Variants in ATP2C2 observed in about 807,000 individuals in gnomAD.
ATP2C2 encodes the protein calcium-transporting ATPase type 2C member 2.
Under a neutral mutation model 110.8 loss-of-function variants are expected in ATP2C2, and 171 were observed. That is an observed-to-expected ratio of 1.54 (90% CI 1.36 to 1.75). The LOEUF (loss-of-function observed/expected upper bound fraction) is 1.75, where lower values mean the gene tolerates loss of function less well. ATP2C2 is among the 40% of genes most tolerant of loss of function. The pLI is 0.00. For synonymous variants in ATP2C2, 804 were observed against 508.4 expected (o/e 1.58, Z -7.82); for missense variants, 1,963 against 1,235.0 (o/e 1.59, Z -8.84).
intron 6 of ATP2C2, 152 bp downstream of exon 6, chr16:84,410,917 C>A: frequency 1.4e-6 from 1 of 726,502 alleles, no homozygotes; most frequent in South Asian, 1.7e-5. Flanking sequence ...TCTCCGCCTG[C>A]CAATAGGTCG....
rs1905641907 is a variant in ATP2C2, at chr16:84,405,113, G to T, written c.211-15G>T. On this transcript the variant is annotated splice_polypyrimidine_tract_variant and intron_variant, in intron 2 of 26. Transcript: ENST00000262429. ...TGCGCCCATGAGTGAGCTTGTGCCT[G>T]ACCTCTCCTTCCAGGTGGACTTACA... The T allele has an allele frequency of 6.2e-7, 1 of 1,610,210 alleles. No homozygotes were observed.
In ATP2C2 at chr16:84,463,863, T is replaced by C; in HGVS notation, c.*131T>C. ...CCATCACCGGATCAGTTTTTCCTCT[T>C]AGGAAAGCTGCAGGAACCTCGTGGG... On this transcript the variant is annotated 3_prime_UTR_variant, in exon 27 of 27. Coordinates refer to ENST00000262429, the MANE Select transcript of ATP2C2 (RefSeq NM_014861.4). 1.2e-6 allele frequency: 1 copy of C among 832,774 alleles called. No homozygotes were observed. Among genetic ancestry groups the C allele is most frequent in the Admixed American group, 2.2e-5 (1 of 44,522 alleles). 51.6% of individuals were successfully genotyped at this position (832,774 alleles called of 1,614,324 possible).
rs200348030 is a variant in ATP2C2, at chr16:84,422,408, G to T, written c.643G>T (p.Asp215Tyr). ...CTCCTAGGTCACGGACCTCTTGGTG[G>T]ATGAATCCAGTTTCACCGGGGAAGC... ...RLTEVTDLLV[D>Y]ESSFTGEAEP... Residue 215 changes from aspartate to tyrosine, a missense_variant, in exon 8 of 27, where the codon GAT becomes TAT. Coordinates refer to ENST00000262429, the MANE Select transcript of ATP2C2 (RefSeq NM_014861.4). The T allele has an allele frequency of 2.3e-4, 376 of 1,614,080 alleles. 3 individuals are homozygous for T. The Middle Eastern group carries it at 7.1e-3, about 30-fold the overall frequency.
intron 1 of ATP2C2, among the ~76,000 whole-genome samples, chr16:84,395,620 C>G (rs1435920470): frequency 1.3e-5 from 2 of 151,486 alleles, no homozygotes; most frequent in Admixed American, 6.6e-5. Context: ...GCAATTCTCC[C>G]TGACTCAGCC....
chr16:84,463,343 G>GCC (rs990083688), intron 26 of ATP2C2, among the ~76,000 whole-genome samples: 1 of 152,138 alleles, frequency 6.6e-6, no homozygotes, highest in African/African-American at 2.4e-5. Context: ...TCCCCTTCCA[G>GCC]CCCGAGTCCA....
At chr16:84,410,624 C>T in intron 5 of ATP2C2, 21 bp downstream of exon 5, 1 of 1,614,030 alleles carries the variant, frequency 6.2e-7, no homozygotes, top group Non-Finnish European at 8.5e-7. Flanking sequence ...CCTGAGGTCC[C>T]AGTCAGGGTA....
intron 11 of ATP2C2, 109 bp from the exon 12 acceptor site, chr16:84,439,057 T>G (rs1231910039): frequency 6.7e-7 from 1 of 1,491,404 alleles, no homozygotes; most frequent in Non-Finnish European, 9.1e-7. Context: ...ACCAGGACAC[T>G]GGGGACACCT....
At chr16:84,461,896 C>T (rs967845922) in intron 25 of ATP2C2, 84 bp downstream of exon 25, 68 of 1,605,952 alleles carry the variant, frequency 4.2e-5, no homozygotes, top group Admixed American at 1.0e-4. Context: ...CAGCATTGAG[C>T]GGCTCTGGCT....
chr16:84,422,190 T>C (rs766707739), intron 7 of ATP2C2, among the ~76,000 whole-genome samples, 200 bp from the exon 8 acceptor site: 1 of 152,182 alleles, frequency 6.6e-6, no homozygotes, highest in Non-Finnish European at 1.5e-5. Context: ...TATGAGACTT[T>C]TATGTTTTTA....
intron 1 of ATP2C2, among the ~76,000 whole-genome samples, chr16:84,373,002 C>G (rs915422510): frequency 6.6e-6 from 1 of 151,576 alleles, no homozygotes; most frequent in East Asian, 2.0e-4. Flanking sequence ...CACCTGTAAT[C>G]CCAGCTACTG....
chr16:84,450,699 C>G (rs744242), intron 17 of ATP2C2, among the ~76,000 whole-genome samples: 1 of 151,862 alleles, frequency 6.6e-6, no homozygotes, highest in African/African-American at 2.4e-5. Flanking sequence ...CTTACACCAC[C>G]CCCTCTCAGA....
chr16:84,436,967 G>C (rs915121048), intron 11 of ATP2C2, among the ~76,000 whole-genome samples: 5 of 152,044 alleles, frequency 3.3e-5, no homozygotes, highest in Non-Finnish European at 7.4e-5. Context: ...TCTCCATGTT[G>C]GCCAGGCTGG....
rs971784007 is a variant in ATP2C2, at chr16:84,453,307, G to A, written c.1930-14G>A. 8 of 1,614,008 alleles carry A rather than the reference G, an allele frequency of 5.0e-6. No individual in the cohort carries two copies. The East Asian group carries it at 8.9e-5, about 18-fold the overall frequency. On this transcript the variant is annotated splice_polypyrimidine_tract_variant and intron_variant, in intron 19 of 26. Transcript: ENST00000262429. Reference sequence around the variant, plus strand: ...TGAAATCTGATTCTTCGTCTTCCCCGTCTCCGTGTCCAGGTGTCCGTGTTC... The same window carrying A: ...TGAAATCTGATTCTTCGTCTTCCCCATCTCCGTGTCCAGGTGTCCGTGTTC...
rs1344959055 is a variant in ATP2C2 at position 84,423,260 on chromosome 16, A to G, written c.916A>G (p.Ile306Val). The part of the protein sequence containing the change: ...KQLTLFSFGI[I>V]GLIMLIGWSQ... ...ACTGACACTCTTCTCCTTTGGCATA[A>G]TCGGTGAGTGAAGCAGTTTCCATAC... Residue 306 changes from isoleucine (I) to valine (V), a missense_variant, in exon 10 of 27, where the codon ATC becomes GTC. Transcript: ENST00000262429. The G allele has an allele frequency of 6.2e-7, 1 of 1,613,712 alleles. No individual in the cohort carries two copies. Among genetic ancestry groups the G allele is most frequent in the Non-Finnish European group, 8.5e-7 (1 of 1,179,606 alleles).
chr16:84,373,623 C>G (rs1910087999), intron 1 of ATP2C2, among the ~76,000 whole-genome samples: 2 of 152,208 alleles, frequency 1.3e-5, no homozygotes, highest in Non-Finnish European at 2.9e-5. Context: ...CCAGTCTACA[C>G]TCAAAGGGAA....
intron 7 of ATP2C2, among the ~76,000 whole-genome samples, 188 bp downstream of exon 7, chr16:84,415,779 A>G (rs1356514493): frequency 6.6e-6 from 1 of 152,164 alleles, no homozygotes; most frequent in Non-Finnish European, 1.5e-5. Flanking sequence ...CTCAAACCAT[A>G]TTTCATAAAT....
At chr16:84,413,346 GGC>G (rs1345396222) in intron 6 of ATP2C2, among the ~76,000 whole-genome samples, 1 of 152,106 alleles carries the variant, frequency 6.6e-6, no homozygotes, top group Non-Finnish European at 1.5e-5. Flanking sequence ...GCATTCAAGG[GGC>G]GTGTGTGTAT....
Position 84,451,915 on chromosome 16 carries a change from C to A in ATP2C2, c.1661-6C>A, listed in dbSNP as rs762044120. Reference sequence around the variant, plus strand: ...TGACCCCTCCTTACTCCCCCTCTCTCCTCAGTGCTGGCCCTGGCTTCTGGG... The same window carrying A: ...TGACCCCTCCTTACTCCCCCTCTCTACTCAGTGCTGGCCCTGGCTTCTGGG... On this transcript the variant is annotated splice_polypyrimidine_tract_variant and splice_region_variant and intron_variant, in intron 17 of 26. Transcript: ENST00000262429. 6.2e-7 allele frequency: 1 copy of A among 1,612,722 alleles called. No individual in the cohort carries two copies. The highest frequency in any genetic ancestry group is 8.5e-7 in the Non-Finnish European group (1 of 1,179,694).
chr16:84,447,867 AAT>A (rs1356586852), intron 16 of ATP2C2, among the ~76,000 whole-genome samples: 46 of 142,816 alleles, frequency 3.2e-4, no homozygotes, highest in Admixed American at 7.5e-4. Context: ...TAATAACATT[AAT>A]ATGTTAATTA....
Sources: gnomAD v4.1 joint callset for allele counts (sites outside exome capture counted in the v4.1 genomes callset) on GRCh38, gnomAD v4.1.1 for gene constraint, MANE v1.5 for transcripts, NCBI Gene and HGNC (gene_info 2026-07-23, HGNC 2026-07-21) for gene names.